RASGRP3: variants seen among roughly 807,000 people sequenced by gnomAD.
RASGRP3 encodes the protein ras guanyl-releasing protein 3.
A neutral mutation model predicts 82.7 loss-of-function variants in RASGRP3; 54 were observed. The ratio of observed to expected loss-of-function variants is 0.65; its 90% CI spans 0.52 to 0.82. The LOEUF is 0.82. RASGRP3 is among the 40% of genes least tolerant of loss of function. The pLI is 0.00. For synonymous variants in RASGRP3, 309 were observed against 300.5 expected, an observed-to-expected ratio of 1.03 and a Z score of -0.29; for missense variants, 861 against 828.9, an observed-to-expected ratio of 1.04 and a Z score of -0.48.
At chr2:33,517,524 G>T (rs768716352) in intron 4 of RASGRP3, among the ~76,000 whole-genome samples, 1 of 152,086 alleles carries the variant, frequency 6.6e-6, no homozygotes, top group Non-Finnish European at 1.5e-5. Flanking sequence ...GAGCCAGTAG[G>T]GTGTCCACCT....
intron 7 of RASGRP3, among the ~76,000 whole-genome samples, chr2:33,523,341 T>G (rs188696484): frequency 6.6e-6 from 1 of 152,114 alleles, no homozygotes; most frequent in East Asian, 1.9e-4. Context: ...AGCTTGCACC[T>G]GTAGTCCCAG....
intron 1 of RASGRP3, among the ~76,000 whole-genome samples, chr2:33,447,558 C>T (rs1020432756): frequency 6.6e-6 from 1 of 152,020 alleles, no homozygotes; most frequent in African/African-American, 2.4e-5. Context: ...GCCTCAGCCT[C>T]CTGAGTACCT....
At chr2:33,503,379 G>A (rs1168353958) in intron 1 of RASGRP3, among the ~76,000 whole-genome samples, 1 of 152,140 alleles carries the variant, frequency 6.6e-6, no homozygotes, top group African/African-American at 2.4e-5. Context: ...TTCATTTCAG[G>A]AGTAAGGTGA....
chr2:33,557,164 C>G (rs539042641), intron 15 of RASGRP3, among the ~76,000 whole-genome samples: 1 of 152,196 alleles, frequency 6.6e-6, no homozygotes, highest in Non-Finnish European at 1.5e-5. Context: ...GTGCAGGACC[C>G]TCATCATAGG....
intron 17 of RASGRP3, chr2:33,559,758 T>C: frequency 4.8e-6 from 2 of 419,270 alleles, no homozygotes; most frequent in Admixed American, 2.5e-5. Flanking sequence ...CCCTGTCGAA[T>C]TGTTCTCATA....
At chr2:33,464,625 G>A (rs1026710629) in intron 2 of RASGRP3, among the ~76,000 whole-genome samples, 3 of 151,928 alleles carry the variant, frequency 2.0e-5, no homozygotes, top group Admixed American at 6.6e-5. Context: ...GGCACATGCC[G>A]CCACACCAAG....
At position 33,562,720 on chromosome 2, in the gene RASGRP3, G is replaced by C. The variant is rs1558535085; in HGVS notation, c.2065-9G>C. On this transcript the variant is annotated splice_polypyrimidine_tract_variant and intron_variant, in intron 17 of 17. Transcript: ENST00000403687. ...CCAGCCATGCAATAGGTTCCAATTTGTGTTTCAGGATGGCTGACTTCAGGC... is the reference window on the plus strand; with the variant it reads ...CCAGCCATGCAATAGGTTCCAATTTCTGTTTCAGGATGGCTGACTTCAGGC... 1 of 1,613,494 alleles carries C rather than the reference G, an allele frequency of 6.2e-7. No homozygotes were observed.
At position 33,523,459 on chromosome 2, in the gene RASGRP3, G is replaced by GT. The variant is rs536467332; in HGVS notation, c.517-418dup. ...CAGCCTGGCAATAGAGCGACAGTCGGTTAAAAAAAAAAAAAAAAGGAGATT... is the reference window on the plus strand; with the variant it reads ...CAGCCTGGCAATAGAGCGACAGTCGGTTTAAAAAAAAAAAAAAAAGGAGATT... On this transcript the variant is annotated intron_variant, in intron 7 of 17. Transcript: ENST00000403687. Among the ~76,000 whole-genome samples, 77 of 97,284 alleles carry GT rather than the reference G, an allele frequency of 7.9e-4. 1 individual carries two copies. The East Asian group carries it at 0.012, about 15-fold the overall frequency. The allele number at this position is 97,284 out of a possible 152,430, so 63.8% of individuals were successfully genotyped here. A position where few individuals can be genotyped will look rare whatever the true frequency, so the allele number is the denominator to read the frequency against.
At chr2:33,468,221 AAT>A (rs1182459110) in intron 2 of RASGRP3, among the ~76,000 whole-genome samples, 1 of 152,100 alleles carries the variant, frequency 6.6e-6, no homozygotes, top group Non-Finnish European at 1.5e-5. Flanking sequence ...AGGAGGAGGA[AAT>A]ATATGTGACC....
At chr2:33,464,975 C>CTTTA (rs1666607330) in intron 2 of RASGRP3, among the ~76,000 whole-genome samples, 1 of 152,156 alleles carries the variant, frequency 6.6e-6, no homozygotes, top group African/African-American at 2.4e-5. Context: ...AGTTAATAAT[C>CTTTA]TTAAAATGGC....
At chr2:33,494,275 C>T (rs1031901294) in intron 1 of RASGRP3, among the ~76,000 whole-genome samples, 4 of 152,152 alleles carry the variant, frequency 2.6e-5, no homozygotes, top group South Asian at 2.1e-4. Flanking sequence ...TATCAGAAGA[C>T]GTGAATGACC....
chr2:33,485,120 C>T (rs540296171), intron 1 of RASGRP3, among the ~76,000 whole-genome samples: 10 of 152,274 alleles, frequency 6.6e-5, no homozygotes, highest in African/African-American at 1.9e-4. Context: ...ATCACTTGAA[C>T]CCAGGAGGCA....
chr2:33,534,311 ATTT>A lies in RASGRP3; in HGVS notation c.1084-10_1084-8del, dbSNP rs1225567532. ...TAATCCGACATTTTTATCCCTTCTA[ATTT>A]TGTTGTAGCTTTCCCTGGACCTCTA... On this transcript the variant is annotated splice_polypyrimidine_tract_variant and intron_variant, in intron 10 of 17. Coordinates refer to ENST00000403687, the MANE Select transcript of RASGRP3 (RefSeq NM_001139488.2). The A allele has an allele frequency of 4.6e-6, 7 of 1,529,936 alleles. No individual in the cohort carries two copies. Among genetic ancestry groups the A allele is most frequent in the Non-Finnish European group, 6.3e-6 (7 of 1,106,776 alleles). The allele number at this position is 1,529,936 out of a possible 1,614,324, so 94.8% of individuals were successfully genotyped here. A position where few individuals can be genotyped will look rare whatever the true frequency, so the allele number is the denominator to read the frequency against.
At position 33,527,329 on chromosome 2, in the gene RASGRP3, T is replaced by G; in HGVS notation, c.1000T>G (p.Ser334Ala). 6.2e-7 allele frequency: 1 copy of G among 1,613,910 alleles called. No individual in the cohort carries two copies. The highest frequency in any genetic ancestry group is 8.5e-7 in the Non-Finnish European group (1 of 1,179,788). ...GAACATTGTGAAAATGCACCAGCTC[T>G]CCGTTACCCTGAGTGAACTAGTCTC... ...KVNIVKMHQL[S>A]VTLSELVSLQ... The change falls in exon 10 of 18, where the codon TCC becomes GCC. Residue 334 changes from serine to alanine, a missense_variant. Physicochemically the swap from Ser to Ala is moderately conservative, Grantham distance 99. Coordinates refer to ENST00000403687, the MANE Select transcript of RASGRP3 (RefSeq NM_001139488.2).
intron 1 of RASGRP3, 51 bp downstream of exon 1, chr2:33,476,758 CGTGTGTGTGT>C (rs67368748): frequency 0.071 from 10,011 of 140,274 alleles, 542 homozygotes; most frequent in East Asian, 0.28. Context: ...ATTCCCTCTC[CGTGTGTGTGT>C]GTGTGTGTGT....
chr2:33,458,119 C>T (rs1666145644), intron 2 of RASGRP3: 2 of 152,240 alleles, frequency 1.3e-5, no homozygotes, highest in Middle Eastern at 6.8e-3. Context: ...AGGATACAGA[C>T]CATCTGGGCC....
chr2:33,558,495 G>C (rs1005209315), intron 16 of RASGRP3, among the ~76,000 whole-genome samples, 159 bp downstream of exon 16: 1 of 152,124 alleles, frequency 6.6e-6, no homozygotes, highest in Non-Finnish European at 1.5e-5. Context: ...AATCATCCTT[G>C]CTTCTCTCTG....
chr2:33,446,908 C>A (rs1246802904), intron 1 of RASGRP3, among the ~76,000 whole-genome samples: 10 of 151,838 alleles, frequency 6.6e-5, no homozygotes, highest in Non-Finnish European at 4.4e-5. Flanking sequence ...CTTTGGGAGG[C>A]CGAGGCGGGT....
intron 1 of RASGRP3, among the ~76,000 whole-genome samples, chr2:33,444,918 G>A (rs1339690149): frequency 2.0e-5 from 3 of 152,116 alleles, no homozygotes; most frequent in Non-Finnish European, 2.9e-5. Flanking sequence ...GCCTAAAATC[G>A]AGTTCCAAAA....
Sources: gnomAD v4.1 joint callset for allele counts (sites outside exome capture counted in the v4.1 genomes callset) on GRCh38, gnomAD v4.1.1 for gene constraint, MANE v1.5 for transcripts, NCBI Gene and HGNC (gene_info 2026-07-23, HGNC 2026-07-21) for gene names.